Variants in PRSS12 observed in about 807,000 individuals in gnomAD.
PRSS12 encodes neurotrypsin.
Under a neutral mutation model 104.4 loss-of-function variants are expected in PRSS12, and 85 were observed. The ratio of observed to expected loss-of-function variants is 0.81; its 90% CI spans 0.68 to 0.98. The LOEUF (loss-of-function observed/expected upper bound fraction) is 0.98. PRSS12 is among the 50% of genes least tolerant of loss of function. The pLI is 0.00. For synonymous variants in PRSS12, 454 were observed against 425.2 expected, an observed-to-expected ratio of 1.07 and a Z score of -0.83; for missense variants, 1,141 against 1,139.2, an observed-to-expected ratio of 1.00 and a Z score of -0.02.
At chr4:118,299,794 T>TAAAATAAATAAAATA (rs1466337106) in intron 8 of PRSS12, among the ~76,000 whole-genome samples, 3 of 64,454 alleles carry the variant, frequency 4.7e-5, no homozygotes, top group East Asian at 3.8e-4. Context: ...TAAAATAAAA[T>TAAAATAAATAAAATA]AAATAAAATA....
chr4:118,313,461 C>T (rs1743813993), intron 6 of PRSS12, 64 bp from the exon 7 acceptor site: 2 of 1,532,044 alleles, frequency 1.3e-6, no homozygotes, highest in Non-Finnish European at 1.8e-6. Flanking sequence ...AACCACAAAA[C>T]ATTTAACACA....
chr4:118,345,691 C>T (rs958391795), intron 1 of PRSS12, among the ~76,000 whole-genome samples: 2 of 152,062 alleles, frequency 1.3e-5, no homozygotes, highest in Non-Finnish European at 2.9e-5. Context: ...AGGAAATATG[C>T]TTTGTCAACC....
intron 1 of PRSS12, among the ~76,000 whole-genome samples, chr4:118,339,418 T>C (rs1479896744): frequency 3.3e-5 from 5 of 152,244 alleles, no homozygotes; most frequent in Non-Finnish European, 7.3e-5. Context: ...AAAGTATCCA[T>C]TCATTTCATT....
intron 8 of PRSS12, among the ~76,000 whole-genome samples, chr4:118,299,439 G>C (rs1380443898): frequency 6.6e-6 from 1 of 152,050 alleles, no homozygotes; most frequent in Non-Finnish European, 1.5e-5. Context: ...CCAACACTTT[G>C]GGAGGCCAAG....
At chr4:118,317,951 C>T (rs1723493637) in intron 5 of PRSS12, among the ~76,000 whole-genome samples, 1 of 152,164 alleles carries the variant, frequency 6.6e-6, no homozygotes, top group South Asian at 2.1e-4. Flanking sequence ...TTGTGCATAG[C>T]AAAGTTAACT....
intron 5 of PRSS12, among the ~76,000 whole-genome samples, chr4:118,317,718 T>C (rs1723483920): frequency 6.6e-6 from 1 of 152,218 alleles, no homozygotes; most frequent in Non-Finnish European, 1.5e-5. Context: ...TAACAAGTTA[T>C]TGATTTTCAC....
chr4:118,327,427 T>C (rs1256137838), intron 4 of PRSS12, among the ~76,000 whole-genome samples: 3 of 152,158 alleles, frequency 2.0e-5, no homozygotes, highest in Non-Finnish European at 2.9e-5. Context: ...GTTGGGATTA[T>C]AGGCGTGAGA....
intron 8 of PRSS12, among the ~76,000 whole-genome samples, chr4:118,304,921 T>C (rs892129923): frequency 3.3e-5 from 5 of 151,932 alleles, no homozygotes; most frequent in Admixed American, 1.3e-4. Context: ...TCATGCATCA[T>C]AGAACTGGCT....
chr4:118,287,584 T>C (rs529878672), intron 11 of PRSS12, among the ~76,000 whole-genome samples: 1 of 152,310 alleles, frequency 6.6e-6, no homozygotes, highest in South Asian at 2.1e-4. Flanking sequence ...GACACAAGAT[T>C]GGAATAGTTT....
intron 4 of PRSS12, among the ~76,000 whole-genome samples, chr4:118,320,794 G>T (rs76789844): frequency 0.044 from 6,666 of 152,076 alleles, 225 homozygotes; most frequent in South Asian, 0.14. Flanking sequence ...TAAAGCAAAT[G>T]CTTAGGGAAT....
chr4:118,282,773 A>T, intron 12 of PRSS12, 58 bp downstream of exon 12: 2 of 1,609,442 alleles, frequency 1.2e-6, no homozygotes, highest in South Asian at 2.2e-5. Context: ...TGCACACCCA[A>T]ATATATGGAT....
At chr4:118,351,169 T>C (rs1025837342) in intron 1 of PRSS12, among the ~76,000 whole-genome samples, 1 of 152,130 alleles carries the variant, frequency 6.6e-6, no homozygotes, top group Non-Finnish European at 1.5e-5. Flanking sequence ...CTCCAGGAAA[T>C]GAATGACATT....
intron 11 of PRSS12, among the ~76,000 whole-genome samples, chr4:118,288,233 A>G (rs904463772): frequency 6.6e-6 from 1 of 152,212 alleles, no homozygotes; most frequent in Non-Finnish European, 1.5e-5. Context: ...AATGGTTCCA[A>G]TTGCTTACAG....
chr4:118,335,129 T>C (rs1724027082), intron 3 of PRSS12, among the ~76,000 whole-genome samples: 1 of 152,192 alleles, frequency 6.6e-6, no homozygotes, highest in South Asian at 2.1e-4. Context: ...TCATGATTAT[T>C]TTCCAGCTTG....
intron 1 of PRSS12, among the ~76,000 whole-genome samples, chr4:118,347,576 GCA>G (rs1187306462): frequency 7.2e-5 from 11 of 152,212 alleles, no homozygotes; most frequent in African/African-American, 2.4e-4. Flanking sequence ...GAGGCTCTCA[GCA>G]CAGTGTCAAG....
In PRSS12 at chr4:118,352,606, C is replaced by T. The variant is rs1442480594; in HGVS notation, c.115G>A (p.Ala39Thr). The change falls in exon 1 of 13, where the codon GCG becomes ACG. Residue 39 changes from alanine to threonine, a missense_variant. Ala to Thr is a moderately conservative substitution (Grantham distance 58, BLOSUM62 0). Coordinates refer to ENST00000296498, the MANE Select transcript of PRSS12 (RefSeq NM_003619.4). Reference protein sequence around the residue: ...LHHSHRHSPPAGPHYPYYLPT... With the variant: ...LHHSHRHSPPTGPHYPYYLPT... Reference sequence around the variant, plus strand: ...AGGTAATAGGGGTAGTGCGGACCCGCAGGGGGCGAATGGCGGTGGCTGTGG... The same window carrying T: ...AGGTAATAGGGGTAGTGCGGACCCGTAGGGGGCGAATGGCGGTGGCTGTGG... 1.9e-6 allele frequency: 3 copies of T among 1,610,182 alleles called. No individual in the cohort carries two copies. Among genetic ancestry groups the T allele is most frequent in the African/African-American group, 1.3e-5 (1 of 74,876 alleles).
At chr4:118,286,319 G>A (rs1002639637) in intron 11 of PRSS12, among the ~76,000 whole-genome samples, 10 of 152,266 alleles carry the variant, frequency 6.6e-5, no homozygotes, top group Middle Eastern at 3.4e-3. Context: ...CTGTGCTCCT[G>A]TCATTTACAC....
At chr4:118,326,088 G>C (rs1356685145) in intron 4 of PRSS12, among the ~76,000 whole-genome samples, 2 of 152,092 alleles carry the variant, frequency 1.3e-5, no homozygotes, top group Admixed American at 6.5e-5. Context: ...TCAATCCCCA[G>C]GATTAGCTAC....
chr4:118,335,419 T>A, intron 3 of PRSS12, 54 bp downstream of exon 3: 3 of 1,585,096 alleles, frequency 1.9e-6, no homozygotes, highest in Non-Finnish European at 2.6e-6. Context: ...TCATCTGGAA[T>A]CACGTTTAAA....
Sources: allele counts gnomAD v4.1 joint callset (sites outside exome capture counted in the v4.1 genomes callset), GRCh38; gene constraint gnomAD v4.1.1; transcripts MANE v1.5; gene names NCBI Gene and HGNC (gene_info 2026-07-23, HGNC 2026-07-21).